The following RGS6 variants were observed in gnomAD, a reference collection of about 807,000 sequenced individuals.
RGS6 encodes regulator of G-protein signaling 6.
In RGS6, 30 loss-of-function variants were observed where a neutral mutation model predicts 78.5. The ratio of observed to expected loss-of-function variants is 0.38; its 90% CI spans 0.29 to 0.52. The LOEUF is 0.52. RGS6 is among the 20% of genes least tolerant of loss of function. The probability of loss-of-function intolerance (pLI) is 0.85; values close to 1 mark genes in which losing one functional copy is unlikely to be tolerated. For missense variants in RGS6, 495 were observed against 609.7 expected, an observed-to-expected ratio of 0.81 and a Z score of 1.98; for synonymous variants, 206 against 206.0, an observed-to-expected ratio of 1.00 and a Z score of 0.00.
chr14:72,052,603 A>T (rs996204001), intron 2 of RGS6, among the ~76,000 whole-genome samples: 8 of 152,084 alleles, frequency 5.3e-5, no homozygotes, highest in Non-Finnish European at 1.0e-4. Context: ...CTTAATCTAT[A>T]GTAAGACCTC....
the RGS6 span, among the ~76,000 whole-genome samples, chr14:71,901,520 T>G: frequency 6.6e-6 from 1 of 152,248 alleles, no homozygotes; most frequent in Non-Finnish European, 1.5e-5. Context: ...GGCTACCTAT[T>G]GGTCTTTCTT....
At chr14:72,410,668 C>G (rs1176398222) in intron 3 of RGS6, among the ~76,000 whole-genome samples, 1 of 152,076 alleles carries the variant, frequency 6.6e-6, no homozygotes, top group African/African-American at 2.4e-5. Flanking sequence ...AATGGTATTG[C>G]CTAGGTTTTC....
chr14:72,335,094 T>C (rs1298162231), intron 2 of RGS6, among the ~76,000 whole-genome samples: 2 of 142,994 alleles, frequency 1.4e-5, no homozygotes, highest in Admixed American at 7.0e-5. Context: ...AGCTCTCTCT[T>C]GCCTGCCACC....
chr14:72,080,359 C>T (rs2094767384), intron 2 of RGS6, among the ~76,000 whole-genome samples: 1 of 151,982 alleles, frequency 6.6e-6, no homozygotes, highest in Admixed American at 6.6e-5. Context: ...GTCCTTTGCC[C>T]ATTTTAAAAA....
Position 72,562,865 on chromosome 14 carries a change from A to T in RGS6, c.*398A>T, listed in dbSNP as rs2097692196. 1 of 998,088 alleles carries T rather than the reference A, an allele frequency of 1.0e-6. No homozygotes were observed. The highest frequency in any genetic ancestry group is 1.5e-6 in the Non-Finnish European group (1 of 657,338). 61.8% of individuals were successfully genotyped at this position (998,088 alleles called of 1,614,324 possible). ...TGGAGACGGTCACACCTTCTGGCAA[A>T]TTCAAGAGGCATGAGTGGACCGAGA... is the stretch of plus-strand genomic sequence containing the variant. On this transcript the variant is annotated 3_prime_UTR_variant, in exon 18 of 18. Coordinates refer to ENST00000553525, the MANE Select transcript of RGS6 (RefSeq NM_001204424.2).
At chr14:71,991,608 A>C (rs1228810420) in intron 2 of RGS6, among the ~76,000 whole-genome samples, 1 of 152,252 alleles carries the variant, frequency 6.6e-6, no homozygotes, top group Non-Finnish European at 1.5e-5. Flanking sequence ...GAAATAAATA[A>C]AACATGTAAC....
intron 2 of RGS6, among the ~76,000 whole-genome samples, chr14:72,301,254 T>A (rs1475335695): frequency 6.6e-6 from 1 of 152,224 alleles, no homozygotes; most frequent in Non-Finnish European, 1.5e-5. Context: ...TGGGAACTTT[T>A]GATTTATTTG....
intron 15 of RGS6, among the ~76,000 whole-genome samples, chr14:72,521,175 C>T (rs2153465950): frequency 6.6e-6 from 1 of 152,226 alleles, no homozygotes; most frequent in East Asian, 1.9e-4. Context: ...TTGTTTCTTA[C>T]ACCTGTGCCT....
intron 2 of RGS6, among the ~76,000 whole-genome samples, chr14:72,282,703 C>T (rs2061786480): frequency 6.6e-6 from 1 of 152,206 alleles, no homozygotes; most frequent in South Asian, 2.1e-4. Context: ...TCATCACAAT[C>T]CAGGGAATAA....
rs139072402 is a variant in RGS6, at chr14:72,481,901, C to T, written c.854+3572C>T. On this transcript the variant is annotated intron_variant, in intron 12 of 17. Transcript: ENST00000553525. Reference sequence around the variant, plus strand: ...TCGGCTCACTGCAAGCTCCGCCTCCCGGGTTCACACCATTCTCCTGCCTCA... The same window carrying T: ...TCGGCTCACTGCAAGCTCCGCCTCCTGGGTTCACACCATTCTCCTGCCTCA... Among the ~76,000 whole-genome samples, 1,283 of 151,204 alleles carry T rather than the reference C, an allele frequency of 8.5e-3. 10 individuals carry two copies. Among genetic ancestry groups the T allele is most frequent in the South Asian group, 0.016 (78 of 4,740 alleles).
chr14:71,877,936 T>C, the RGS6 span, among the ~76,000 whole-genome samples: 1 of 152,238 alleles, frequency 6.6e-6, no homozygotes, highest in Admixed American at 6.5e-5. Context: ...TGTTGGAGTT[T>C]GCTGGAGGTC....
chr14:72,523,528 G>C (rs1431234955), intron 15 of RGS6, among the ~76,000 whole-genome samples: 2 of 152,166 alleles, frequency 1.3e-5, no homozygotes, highest in Non-Finnish European at 2.9e-5. Context: ...AGCAGGGACT[G>C]GGGGTGGGGT....
Position 72,301,043 on chromosome 14 carries a change from C to T in RGS6, c.85-51052C>T, listed in dbSNP as rs1023668319. Among the ~76,000 whole-genome samples the T allele has an allele frequency of 2.0e-5, 3 of 152,148 alleles. No homozygotes were observed. In the South Asian group the frequency reaches 6.2e-4, roughly 32 times the overall value. The stretch of plus-strand genomic sequence containing the variant: ...ACTTGTGGAATCTCTTGATTTGATA[C>T]ACTGGTGGAACATAGCATTATAGTC... On this transcript the variant is annotated intron_variant, in intron 2 of 17. Transcript: ENST00000553525.
chr14:72,398,517 G>C (rs950635602), intron 3 of RGS6, among the ~76,000 whole-genome samples: 1 of 152,064 alleles, frequency 6.6e-6, no homozygotes, highest in Non-Finnish European at 1.5e-5. Context: ...TGGATTCATT[G>C]ATTTTTTGAA....
chr14:72,059,333 C>T (rs1354231354), intron 2 of RGS6, among the ~76,000 whole-genome samples: 2 of 152,120 alleles, frequency 1.3e-5, no homozygotes, highest in Non-Finnish European at 2.9e-5. Flanking sequence ...AAAAGTTCTC[C>T]TAATGCAATT....
intron 12 of RGS6, among the ~76,000 whole-genome samples, chr14:72,484,393 C>A (rs1235591959): frequency 6.6e-6 from 1 of 152,104 alleles, no homozygotes; most frequent in Non-Finnish European, 1.5e-5. Flanking sequence ...TGGAGCCTAG[C>A]CATGTCAGTA....
intron 1 of RGS6, among the ~76,000 whole-genome samples, chr14:71,933,486 A>G (rs1329907875): frequency 6.6e-6 from 1 of 152,116 alleles, no homozygotes; most frequent in East Asian, 1.9e-4. Context: ...TCGCTTGGAG[A>G]GGATGACAAA....
intron 2 of RGS6, among the ~76,000 whole-genome samples, chr14:72,104,462 A>G (rs949240938): frequency 5.9e-5 from 9 of 152,232 alleles, no homozygotes; most frequent in African/African-American, 2.2e-4. Flanking sequence ...TTATGCATTT[A>G]TAAAATAAAG....
At chr14:72,458,811 G>A (rs1466982658) in intron 5 of RGS6, among the ~76,000 whole-genome samples, 1 of 152,142 alleles carries the variant, frequency 6.6e-6, no homozygotes, top group East Asian at 1.9e-4. Flanking sequence ...GCTTATATCA[G>A]ACCTCTTTTA....
Sources: allele counts gnomAD v4.1 joint callset (sites outside exome capture counted in the v4.1 genomes callset), GRCh38; gene constraint gnomAD v4.1.1; transcripts MANE v1.5; gene names NCBI Gene and HGNC (gene_info 2026-07-23, HGNC 2026-07-21).